Variants in RIOK2 observed in about 807,000 individuals in gnomAD.
RIOK2 encodes the protein serine/threonine-protein kinase RIO2.
RIOK2 carries 46 observed loss-of-function variants against 62.4 expected under a neutral mutation model. That is an observed-to-expected ratio of 0.74 (90% CI 0.58 to 0.94). The LOEUF is 0.94. RIOK2 is among the 40% of genes least tolerant of loss of function. The pLI is 0.00. For synonymous variants in RIOK2, 197 were observed against 216.0 expected (o/e 0.91, Z 0.77); for missense variants, 574 against 658.0 (o/e 0.87, Z 1.40).
At chr5:97,174,483 C>T (rs1040676327) in intron 4 of RIOK2, among the ~76,000 whole-genome samples, 4 of 151,982 alleles carry the variant, frequency 2.6e-5, no homozygotes, top group African/African-American at 7.3e-5. Context: ...TAAACTTTTC[C>T]TGGTTTTCAA....
chr5:97,166,416 A>G, intron 8 of RIOK2: 1 of 404,972 alleles, frequency 2.5e-6, no homozygotes, highest in Non-Finnish European at 5.0e-6. Context: ...CTTCAGGAAT[A>G]AAACTTTAAA....
rs749945465 is a variant in RIOK2, at chr5:97,183,218, C to G, written c.-27G>C. ...GCGGCCCCAGTCCGAACCCAGATGC[C>G]TCTCCGACGACAGCCGCAAAGCGTA... is the stretch of plus-strand genomic sequence containing the variant. On this transcript the variant is annotated 5_prime_UTR_variant, in exon 1 of 10. Transcript: ENST00000283109. 3 of 1,613,598 alleles carry G rather than the reference C, an allele frequency of 1.9e-6. No individual in the cohort carries two copies. The Admixed American group carries it at 5.0e-5, about 27-fold the overall frequency.
At chr5:97,178,376 T>A (rs1193775192) in intron 2 of RIOK2, among the ~76,000 whole-genome samples, 1 of 151,520 alleles carries the variant, frequency 6.6e-6, no homozygotes, top group Non-Finnish European at 1.5e-5. Flanking sequence ...TACATGCTCT[T>A]CTGCAGTACC....
chr5:97,172,835 C>A (rs1749053538), intron 5 of RIOK2, among the ~76,000 whole-genome samples: 1 of 152,166 alleles, frequency 6.6e-6, no homozygotes, highest in Admixed American at 6.6e-5. Context: ...TACTTACTAA[C>A]AATTGATATA....
At chr5:97,171,488 C>T (rs1207439482) in intron 5 of RIOK2, 91 bp from the exon 6 acceptor site, 2 of 810,854 alleles carry the variant, frequency 2.5e-6, no homozygotes, top group Non-Finnish European at 3.5e-6. Context: ...TATATTATTT[C>T]CATGCTGTGT....
intron 1 of RIOK2, among the ~76,000 whole-genome samples, chr5:97,180,017 ATATATATATAAT>A (rs1749320947): frequency 4.3e-5 from 2 of 46,578 alleles, no homozygotes; most frequent in African/African-American, 7.2e-5. Flanking sequence ...TATATATATA[ATATATATATAAT>A]ATATATATTA....
chr5:97,162,975 TGGCTCAAAAAAGACAAATGAG>T lies in RIOK2; in HGVS notation c.*65_*85del. The T allele has an allele frequency of 8.8e-7, 1 of 1,139,606 alleles. No homozygotes were observed. The highest frequency in any genetic ancestry group is 1.2e-6 in the Non-Finnish European group (1 of 813,672). The allele number at this position is 1,139,606 out of a possible 1,614,324, so 70.6% of individuals were successfully genotyped here. A position where few individuals can be genotyped will look rare whatever the true frequency, so the allele number is the denominator to read the frequency against. On this transcript the variant is annotated 3_prime_UTR_variant, in exon 10 of 10. Coordinates refer to ENST00000283109, the MANE Select transcript of RIOK2 (RefSeq NM_018343.3). ...TTTATTTATTAATATATGATAGCCT[TGGCTCAAAAAAGACAAATGAG>T]GGCTCAAAAAGGAATTACAGTAACT...
In RIOK2 at chr5:97,180,142, G is replaced by GTATA. The variant is rs372779229; in HGVS notation, c.67-953_67-950dup. Among the ~76,000 whole-genome samples the GTATA allele has an allele frequency of 5.2e-3, 498 of 96,058 alleles. 21 individuals carry two copies. The highest frequency in any genetic ancestry group is 0.019 in the African/African-American group (471 of 24,472). 63.0% of individuals were successfully genotyped at this position (96,058 alleles called of 152,430 possible). ...TGTGTATATGTATATATATATATAT[G>GTATA]TATATATATATATATATATGTGCTT... On this transcript the variant is annotated intron_variant, in intron 1 of 9. Transcript: ENST00000283109.
chr5:97,173,079 G>A (rs1580272178), intron 5 of RIOK2, 96 bp downstream of exon 5: 2 of 771,088 alleles, frequency 2.6e-6, no homozygotes, highest in East Asian at 2.8e-5. Context: ...ACCTCCCAGA[G>A]GCAATATTTC....
At position 97,161,337 on chromosome 5, in the gene RIOK2, G is replaced by A. The variant is rs1748691245; in HGVS notation, c.*1724C>T. The A allele has an allele frequency of 6.6e-6, 1 of 152,176 alleles. No homozygotes were observed. The highest frequency in any genetic ancestry group is 2.4e-5 in the African/African-American group (1 of 41,450). 9.4% of individuals were successfully genotyped at this position (152,176 alleles called of 1,614,324 possible). On this transcript the variant is annotated 3_prime_UTR_variant, in exon 10 of 10. Coordinates refer to ENST00000283109, the MANE Select transcript of RIOK2 (RefSeq NM_018343.3). ...TTTTTGTTCATTGTTCACTATGCAT[G>A]TTTTAAAATGTGAGGGTTATAGCTT...
intron 7 of RIOK2, among the ~76,000 whole-genome samples, chr5:97,168,382 A>T (rs1748904057): frequency 6.6e-6 from 1 of 151,886 alleles, no homozygotes; most frequent in Admixed American, 6.6e-5. Context: ...GAGAATGCAC[A>T]TGATAGTTAT....
chr5:97,177,277 C>A lies in RIOK2; in HGVS notation c.337G>T (p.Ala113Ser). ...VGKESDIYIVANEEGQQFALK... is the reference protein window; with the variant it reads ...VGKESDIYIVSNEEGQQFALK... ...GCAAATTGTTGTCCTTCTTCATTTG[C>A]AACAATGTAAATATCTAGAGACAAA... The change falls in exon 4 of 10, where the codon GCA (alanine) becomes TCA (serine). Residue 113 changes from alanine to serine, a missense_variant. Transcript: ENST00000283109. 6.2e-7 allele frequency: 1 copy of A among 1,611,618 alleles called. No homozygotes were observed. Among genetic ancestry groups the A allele is most frequent in the East Asian group, 2.2e-5 (1 of 44,736 alleles).
intron 7 of RIOK2, 90 bp downstream of exon 7, chr5:97,168,670 A>G: frequency 1.2e-6 from 1 of 823,702 alleles, no homozygotes; most frequent in Middle Eastern, 3.9e-4. Context: ...AAAATTTGGA[A>G]AGTTTTTTAG....
At chr5:97,169,746 A>G (rs913477728) in intron 6 of RIOK2, among the ~76,000 whole-genome samples, 1 of 152,188 alleles carries the variant, frequency 6.6e-6, no homozygotes. Flanking sequence ...AATCTCTAGC[A>G]ATTAGCACAG....
intron 9 of RIOK2, among the ~76,000 whole-genome samples, chr5:97,163,618 A>C (rs1366705430): frequency 6.6e-6 from 1 of 152,230 alleles, no homozygotes; most frequent in Non-Finnish European, 1.5e-5. Flanking sequence ...TCACAGTTTC[A>C]GCTGTAGAAT....
At chr5:97,164,130 G>C (rs1208008309) in intron 9 of RIOK2, among the ~76,000 whole-genome samples, 1 of 151,984 alleles carries the variant, frequency 6.6e-6, no homozygotes, top group Non-Finnish European at 1.5e-5. Context: ...GGGCTCAAGC[G>C]ATCCTTCCAC....
rs777218758 is a variant in RIOK2, at chr5:97,177,269, T to C, written c.345A>G (p.Glu115=). 35 of 1,612,262 alleles carry C rather than the reference T, an allele frequency of 2.2e-5. No homozygotes were observed. The highest frequency in any genetic ancestry group is 2.9e-5 in the Non-Finnish European group (34 of 1,179,510). ...GCTTTAATGCAAATTGTTGTCCTTC[T>C]TCATTTGCAACAATGTAAATATCTA... is the stretch of plus-strand genomic sequence containing the variant. The part of the protein sequence containing the change: ...KESDIYIVAN[E]EGQQFALKLH... The change falls in exon 4 of 10, where the codon GAA becomes GAG. Residue 115 remains glutamate, a synonymous_variant. Coordinates refer to ENST00000283109, the MANE Select transcript of RIOK2 (RefSeq NM_018343.3).
rs1056516673 is a variant in RIOK2 at position 97,162,826 on chromosome 5, T to A, written c.*235A>T. 1.2e-5 allele frequency: 5 copies of A among 430,538 alleles called. No individual in the cohort carries two copies. Among genetic ancestry groups the A allele is most frequent in the Admixed American group, 4.1e-5 (1 of 24,344 alleles). 26.7% of individuals were successfully genotyped at this position (430,538 alleles called of 1,614,324 possible). A position where few individuals can be genotyped will look rare whatever the true frequency, so the allele number is the denominator to read the frequency against. On this transcript the variant is annotated 3_prime_UTR_variant, in exon 10 of 10. Transcript: ENST00000283109. ...ATTTAGATTTTTAAAAATATGCAAATGTCTCTAATAAAGTTACGTAACTGT... is the reference window on the plus strand; with the variant it reads ...ATTTAGATTTTTAAAAATATGCAAAAGTCTCTAATAAAGTTACGTAACTGT...
At position 97,183,159 on chromosome 5, in the gene RIOK2, G is replaced by T. The variant is rs1228623556; in HGVS notation, c.33C>A (p.Tyr11Ter). 3.1e-6 allele frequency: 5 copies of T among 1,614,028 alleles called. No homozygotes were observed. The highest frequency in any genetic ancestry group is 3.4e-6 in the Non-Finnish European group (4 of 1,180,000). The change falls in exon 1 of 10, where the codon TAC (tyrosine) becomes TAA (stop). Residue 11 changes from tyrosine (Y) to a stop codon, truncating the protein, a stop_gained. Coordinates refer to ENST00000283109, the MANE Select transcript of RIOK2 (RefSeq NM_018343.3). LOFTEE classifies it high-confidence loss of function. ...AGACCCTGAAGTCATCTCGGCTCAT[G>T]TAACGCAACTTGGCCACATTCACTT... Reference protein sequence around the residue: MGKVNVAKLRYMSRDDFRVLT... With the variant: MGKVNVAKLR
Sources: allele counts gnomAD v4.1 joint callset (sites outside exome capture counted in the v4.1 genomes callset), GRCh38; gene constraint gnomAD v4.1.1; transcripts MANE v1.5; gene names NCBI Gene and HGNC (gene_info 2026-07-23, HGNC 2026-07-21).